VPS45: variants seen among roughly 807,000 people sequenced by gnomAD.
VPS45 encodes the protein vacuolar protein sorting-associated protein 45.
Under a neutral mutation model 75.9 loss-of-function variants are expected in VPS45, and 35 were observed. That is an observed-to-expected ratio of 0.46 (90% CI 0.35 to 0.61). The LOEUF (loss-of-function observed/expected upper bound fraction) is 0.61, where lower values mean the gene tolerates loss of function less well. Among genes scored for constraint, VPS45 ranks in the 20% least tolerant of loss-of-function variants. The pLI is 0.00. For missense variants in VPS45, 559 were observed against 685.9 expected (o/e 0.81, Z 2.07); for synonymous variants, 220 against 238.2 (o/e 0.92, Z 0.70).
At chr1:150,105,155 C>T (rs782170208) in intron 13 of VPS45, among the ~76,000 whole-genome samples, 3 of 152,250 alleles carry the variant, frequency 2.0e-5, no homozygotes, top group Admixed American at 2.0e-4. Flanking sequence ...TATGACAAAC[C>T]CACAGCTAAC....
chr1:150,136,170 A>G (rs1232873289), intron 14 of VPS45, among the ~76,000 whole-genome samples: 1 of 145,148 alleles, frequency 6.9e-6, no homozygotes, highest in Non-Finnish European at 1.5e-5. Flanking sequence ...GATTGCTTGA[A>G]CCTGGGAGGC....
Position 150,092,309 on chromosome 1 carries a change from C to G in VPS45, c.1271C>G (p.Ser424Cys). The G allele has an allele frequency of 6.2e-7, 1 of 1,613,990 alleles. No homozygotes were observed. Among genetic ancestry groups the G allele is most frequent in the Non-Finnish European group, 8.5e-7 (1 of 1,179,938 alleles). Residue 424 changes from serine (S) to cysteine (C), a missense_variant, in exon 12 of 15, where the codon TCT (serine) becomes TGT (cysteine). Ser to Cys is a moderately radical substitution (Grantham distance 112). Coordinates refer to ENST00000644510, the MANE Select transcript of VPS45 (RefSeq NM_007259.5). ...GCTTCTCTTTCTTAATAGCTCGTGT[C>G]TGCAGTTGTTGAATATGGTGGTAAA... The part of the protein sequence containing the change: ...GVSEKYRKLV[S>C]AVVEYGGKRV...
At chr1:150,096,128 T>A (rs782256996) in intron 13 of VPS45, among the ~76,000 whole-genome samples, 6 of 152,190 alleles carry the variant, frequency 3.9e-5, no homozygotes, top group African/African-American at 9.7e-5. Flanking sequence ...AGAGTTTTGT[T>A]GTTCAGTTGG....
At chr1:150,069,913 T>C (rs1422352023) in intron 2 of VPS45, among the ~76,000 whole-genome samples, 2 of 152,172 alleles carry the variant, frequency 1.3e-5, no homozygotes, top group Non-Finnish European at 2.9e-5. Context: ...CAAAACTCCT[T>C]AATTGTAGCC....
intron 9 of VPS45, 27 bp downstream of exon 9, chr1:150,082,024 A>G: frequency 6.9e-7 from 1 of 1,440,276 alleles, no homozygotes; most frequent in African/African-American, 1.4e-5. Context: ...CATGAATGAC[A>G]AACATGTGAC....
intron 14 of VPS45, among the ~76,000 whole-genome samples, chr1:150,131,203 G>A (rs1553812292): frequency 6.6e-6 from 1 of 152,034 alleles, no homozygotes; most frequent in African/African-American, 2.4e-5. Context: ...GTTAGCTGCT[G>A]CTGATTCTTA....
At chr1:150,108,572 G>A (rs587605521) in intron 13 of VPS45, among the ~76,000 whole-genome samples, 4 of 152,102 alleles carry the variant, frequency 2.6e-5, no homozygotes, top group Non-Finnish European at 4.4e-5. Flanking sequence ...GATGAAGTGG[G>A]ACCATAAAAG....
intron 14 of VPS45, among the ~76,000 whole-genome samples, chr1:150,131,453 G>A (rs1553812341): frequency 6.6e-6 from 1 of 152,140 alleles, no homozygotes; most frequent in African/African-American, 2.4e-5. Context: ...AGAGGTTGCA[G>A]TGAGACAAGA....
chr1:150,124,440 G>C (rs1658398043), intron 14 of VPS45, among the ~76,000 whole-genome samples: 1 of 150,680 alleles, frequency 6.6e-6, no homozygotes, highest in South Asian at 2.1e-4. Flanking sequence ...GCCTGGGTGA[G>C]AGACCAAGAC....
At position 150,093,622 on chromosome 1, in the gene VPS45, T is replaced by G; in HGVS notation, c.1467T>G (p.Tyr489Ter). ...KGRLKENLYP[Y>*]LGPSTLRDRP... ...GGCTTAAGGAAAACCTATATCCTTA[T>G]TTAGGCCCCAGCACACTCAGAGACA... The change falls in exon 13 of 15, where the codon TAT becomes TAG. Residue 489 changes from tyrosine to a stop codon, truncating the protein, a stop_gained. Coordinates refer to ENST00000644510, the MANE Select transcript of VPS45 (RefSeq NM_007259.5). LOFTEE classifies it high-confidence loss of function. 3 of 1,613,668 alleles carry G rather than the reference T, an allele frequency of 1.9e-6. No individual in the cohort carries two copies. In the South Asian group the frequency reaches 3.3e-5, roughly 18 times the overall value.
At chr1:150,095,341 C>T (rs1167176086) in intron 13 of VPS45, among the ~76,000 whole-genome samples, 3 of 152,272 alleles carry the variant, frequency 2.0e-5, no homozygotes, top group East Asian at 1.9e-4. Flanking sequence ...AGACCAGACA[C>T]GGTGGCTCAC....
At chr1:150,125,069 A>AT (rs1179779626) in intron 14 of VPS45, among the ~76,000 whole-genome samples, 1 of 150,970 alleles carries the variant, frequency 6.6e-6, no homozygotes, top group African/African-American at 2.4e-5. Context: ...GGTTGTTTAC[A>AT]TTTTTTTCAC....
intron 12 of VPS45, 83 bp downstream of exon 12, chr1:150,092,492 G>A: frequency 3.6e-6 from 4 of 1,105,964 alleles, no homozygotes; most frequent in Non-Finnish European, 5.2e-6. Flanking sequence ...GATCTTCAAA[G>A]TATCTTGAAG....
intron 3 of VPS45, 74 bp from the exon 4 acceptor site, chr1:150,076,159 A>T: frequency 9.1e-7 from 1 of 1,097,780 alleles, no homozygotes. Context: ...ATTAGGCTTT[A>T]ACTATCAGGC....
chr1:150,099,224 A>G lies in VPS45; in HGVS notation c.1493+5576A>G, dbSNP rs12060128. ...TTAAAAATTCTCAATAAGGTGGGCAATGTGTCTCATGCTTGTAATCCCAGC... is the reference window on the plus strand; with the variant it reads ...TTAAAAATTCTCAATAAGGTGGGCAGTGTGTCTCATGCTTGTAATCCCAGC... On this transcript the variant is annotated intron_variant, in intron 13 of 14. Coordinates refer to ENST00000644510, the MANE Select transcript of VPS45 (RefSeq NM_007259.5). 999 of 314,256 alleles carry G rather than the reference A, an allele frequency of 3.2e-3. 16 individuals are homozygous for G. Among genetic ancestry groups the G allele is most frequent in the African/African-American group, 0.022 (950 of 44,146 alleles). The allele number at this position is 314,256 out of a possible 1,614,324, so 19.5% of individuals were successfully genotyped here. A position where few individuals can be genotyped will look rare whatever the true frequency, so the allele number is the denominator to read the frequency against.
rs1466653858 is a variant in VPS45 at position 150,120,382 on chromosome 1, TTAAAAA to T, written c.1625+9760_1625+9765del. On this transcript the variant is annotated intron_variant, in intron 14 of 14. Coordinates refer to ENST00000644510, the MANE Select transcript of VPS45 (RefSeq NM_007259.5). ...ACAAAATCTTAGTTGTAAACAAAAC[TTAAAAA>T]TAAAGAAGAGAAAGCAATTATTCCT... Among the ~76,000 whole-genome samples, 17 of 152,132 alleles carry T rather than the reference TTAAAAA, an allele frequency of 1.1e-4. No homozygotes were observed. In the South Asian group the frequency reaches 2.9e-3, roughly 26 times the overall value.
At chr1:150,083,668 A>T (rs200143924) in intron 10 of VPS45, among the ~76,000 whole-genome samples, 57 of 148,172 alleles carry the variant, frequency 3.8e-4, no homozygotes, top group South Asian at 1.7e-3. Context: ...ATATATATAT[A>T]TTTTCTATAT....
intron 12 of VPS45, among the ~76,000 whole-genome samples, chr1:150,092,824 T>TCTGCTA (rs1656403819): frequency 6.7e-6 from 1 of 150,194 alleles, no homozygotes; most frequent in African/African-American, 2.4e-5. Context: ...TTAATTCTAA[T>TCTGCTA]CTGCTAGCCT....
intron 13 of VPS45, among the ~76,000 whole-genome samples, chr1:150,098,301 T>C (rs1359941021): frequency 6.6e-6 from 1 of 152,260 alleles, no homozygotes; most frequent in Non-Finnish European, 1.5e-5. Flanking sequence ...TTGTTAATCT[T>C]TGGGGTTTTC....
Sources: allele counts gnomAD v4.1 joint callset (sites outside exome capture counted in the v4.1 genomes callset), GRCh38; gene constraint gnomAD v4.1.1; transcripts MANE v1.5; gene names NCBI Gene and HGNC (gene_info 2026-07-23, HGNC 2026-07-21).